Variants in CDH18 observed in about 807,000 individuals in gnomAD.
The protein encoded by CDH18 is cadherin-18.
CDH18 carries 31 observed loss-of-function variants against 67.9 expected under a neutral mutation model. The ratio of observed to expected loss-of-function variants is 0.46; its 90% CI spans 0.34 to 0.62. The LOEUF (loss-of-function observed/expected upper bound fraction) is 0.62, where lower values mean the gene tolerates loss of function less well. Ranked by LOEUF, CDH18 falls within the 20% of genes least tolerant of loss-of-function variation. The probability of loss-of-function intolerance (pLI) is 0.01; values close to 1 mark genes in which losing one functional copy is unlikely to be tolerated. For synonymous variants in CDH18, 362 were observed against 347.2 expected (o/e 1.04, Z -0.48); for missense variants, 890 against 975.5 (o/e 0.91, Z 1.17).
At chr5:20,433,271 G>A (rs1560997357) in intron 1 of CDH18, among the ~76,000 whole-genome samples, 1 of 149,966 alleles carries the variant, frequency 6.7e-6, no homozygotes, top group Non-Finnish European at 1.5e-5. Flanking sequence ...GTGTGTGTGT[G>A]TATATTTATA....
At chr5:19,495,717 C>CAAAAAAAAAAAAAAAAAAAAA (rs749003068) in intron 11 of CDH18, among the ~76,000 whole-genome samples, 1 of 46,554 alleles carries the variant, frequency 2.1e-5, no homozygotes, top group Non-Finnish European at 4.0e-5. Flanking sequence ...GAAACTGTCT[C>CAAAAAAAAAAAAAAAAAAAAA]AAAAAAAAAA....
intron 2 of CDH18, among the ~76,000 whole-genome samples, chr5:20,246,266 A>G (rs1743370072): frequency 6.6e-6 from 1 of 152,164 alleles, no homozygotes; most frequent in Admixed American, 6.5e-5. Flanking sequence ...TCTCAGTTGC[A>G]CAAACTTTAT....
At chr5:19,735,903 CCCAATAATTTTTCATGGATATCTACATGA>C (rs1174955916) in intron 4 of CDH18, among the ~76,000 whole-genome samples, 2 of 152,060 alleles carry the variant, frequency 1.3e-5, no homozygotes, top group Non-Finnish European at 2.9e-5. Context: ...TTTTACCCCA[CCCAATAATTTTTCATGGATATCTACATGA>C]CAATTATGTA....
At chr5:19,593,159 T>C (rs905009525) in intron 6 of CDH18, among the ~76,000 whole-genome samples, 1 of 152,166 alleles carries the variant, frequency 6.6e-6, no homozygotes, top group African/African-American at 2.4e-5. Context: ...TAATCCTGAT[T>C]TCGATTTTTT....
chr5:20,490,465 ACAAT>A (rs1753522297), intron 1 of CDH18, among the ~76,000 whole-genome samples: 1 of 152,170 alleles, frequency 6.6e-6, no homozygotes, highest in Admixed American at 6.6e-5. Context: ...TTCATACTAA[ACAAT>A]CAAAGTTCTA....
intron 2 of CDH18, among the ~76,000 whole-genome samples, chr5:19,961,756 C>A (rs1396694448): frequency 6.6e-6 from 1 of 151,926 alleles, no homozygotes; most frequent in Non-Finnish European, 1.5e-5. Flanking sequence ...TCGATACATA[C>A]CATATCCAAT....
chr5:20,267,825 G>A (rs897882311), intron 1 of CDH18, among the ~76,000 whole-genome samples: 10 of 152,032 alleles, frequency 6.6e-5, no homozygotes, highest in Admixed American at 6.6e-4. Flanking sequence ...TTAGATTCAC[G>A]AGGTACATGT....
chr5:19,629,670 G>A (rs1214468651), intron 5 of CDH18, among the ~76,000 whole-genome samples: 1 of 152,108 alleles, frequency 6.6e-6, no homozygotes. Context: ...TACTTTGTCT[G>A]TTTATATAAA....
chr5:20,391,300 G>T (rs768856603), intron 1 of CDH18, among the ~76,000 whole-genome samples: 6 of 151,894 alleles, frequency 4.0e-5, no homozygotes, highest in South Asian at 4.1e-4. Context: ...TCATGATGGG[G>T]TGGTTAGGGT....
intron 2 of CDH18, among the ~76,000 whole-genome samples, chr5:19,953,444 A>G (rs1795988015): frequency 6.6e-6 from 1 of 151,964 alleles, no homozygotes; most frequent in South Asian, 2.1e-4. Flanking sequence ...AATCCTTAGA[A>G]TTTCTGTTTG....
chr5:19,575,543 T>C (rs1353002944), intron 7 of CDH18, among the ~76,000 whole-genome samples: 1 of 152,230 alleles, frequency 6.6e-6, no homozygotes. Context: ...TGAGCATTCC[T>C]GGAATCATCC....
intron 1 of CDH18, among the ~76,000 whole-genome samples, chr5:20,257,817 C>T (rs1744361213): frequency 6.6e-6 from 1 of 152,096 alleles, no homozygotes; most frequent in African/African-American, 2.4e-5. Flanking sequence ...CTTTATCAAT[C>T]TGTGTGTGCC....
chr5:19,831,463 A>T (rs563473393), intron 3 of CDH18, among the ~76,000 whole-genome samples: 17 of 152,294 alleles, frequency 1.1e-4, no homozygotes, highest in Non-Finnish European at 2.1e-4. Context: ...GACACTTCTC[A>T]AAAGAAGACA....
rs189359493 is a variant in CDH18, at chr5:19,554,486, G to A, written c.1254-10481C>T. Among the ~76,000 whole-genome samples the A allele has an allele frequency of 1.3e-4, 19 of 151,966 alleles. 1 individual carries two copies. The East Asian group carries it at 3.7e-3, about 29-fold the overall frequency. On this transcript the variant is annotated intron_variant, in intron 8 of 12. Coordinates refer to ENST00000382275, the MANE Select transcript of CDH18 (RefSeq NM_004934.5). ...AATCCCTTGAACTCTGGAGGAGGTG[G>A]TTGCAGTGAGCCAAGATCACACCAC...
intron 2 of CDH18, among the ~76,000 whole-genome samples, chr5:20,146,570 G>T (rs1349967375): frequency 1.3e-5 from 2 of 150,930 alleles, no homozygotes; most frequent in Admixed American, 6.6e-5. Context: ...TCTAGCTCCA[G>T]TGCTTTATAG....
intron 1 of CDH18, chr5:20,304,375 G>A: frequency 6.8e-7 from 1 of 1,471,934 alleles, no homozygotes; most frequent in Non-Finnish European, 9.5e-7. Context: ...ACTTTTTGGA[G>A]TAAAAAGCAT....
chr5:19,844,157 G>A (rs999019256), intron 2 of CDH18, among the ~76,000 whole-genome samples: 7 of 152,096 alleles, frequency 4.6e-5, no homozygotes, highest in East Asian at 3.9e-4. Flanking sequence ...AGGTACAATC[G>A]TGCTTTGAAA....
At chr5:19,858,633 T>C (rs1033862283) in intron 2 of CDH18, among the ~76,000 whole-genome samples, 1 of 152,180 alleles carries the variant, frequency 6.6e-6, no homozygotes, top group Non-Finnish European at 1.5e-5. Context: ...AGATAAAGTT[T>C]GATGAACATT....
At chr5:20,317,987 A>C (rs773815208) in intron 1 of CDH18, among the ~76,000 whole-genome samples, 10 of 152,110 alleles carry the variant, frequency 6.6e-5, no homozygotes, top group Non-Finnish European at 1.2e-4. Context: ...TAAAATACAA[A>C]GTAGTTTATT....
Sources: gnomAD v4.1 joint callset for allele counts (sites outside exome capture counted in the v4.1 genomes callset) on GRCh38, gnomAD v4.1.1 for gene constraint, MANE v1.5 for transcripts, NCBI Gene and HGNC (gene_info 2026-07-23, HGNC 2026-07-21) for gene names.